The following AMPD3 variants were observed in gnomAD, a reference collection of about 807,000 sequenced individuals.
AMPD3 encodes adenosine monophosphate deaminase 3, also known as AMP deaminase 3.
In AMPD3, 57 loss-of-function variants were observed where a neutral mutation model predicts 82.3. The ratio of observed to expected loss-of-function variants is 0.69; its 90% CI spans 0.56 to 0.86. The LOEUF is 0.86. AMPD3 is among the 40% of genes least tolerant of loss of function. The pLI is 0.00. For missense variants in AMPD3, 870 were observed against 1,003.8 expected, an observed-to-expected ratio of 0.87 and a Z score of 1.80; for synonymous variants, 381 against 394.7, an observed-to-expected ratio of 0.97 and a Z score of 0.41.
chr11:10,458,290 G>T (rs1848158997), intron 1 of AMPD3, among the ~76,000 whole-genome samples: 1 of 6,360 alleles, frequency 1.6e-4, no homozygotes, highest in African/African-American at 4.6e-4. Flanking sequence ...AGCCAGGTAT[G>T]GTGATGCTCC....
chr11:10,470,677 A>G (rs1426489684), intron 2 of AMPD3, among the ~76,000 whole-genome samples: 1 of 152,224 alleles, frequency 6.6e-6, no homozygotes, highest in African/African-American at 2.4e-5. Context: ...AATAACAGAC[A>G]AACAGCCAAA....
At position 10,504,608 on chromosome 11, in the gene AMPD3, C is replaced by T. The variant is rs769214088; in HGVS notation, c.2076C>T (p.Asp692=). 6.2e-7 allele frequency: 1 copy of T among 1,614,180 alleles called. No homozygotes were observed. Among genetic ancestry groups the T allele is most frequent in the Non-Finnish European group, 8.5e-7 (1 of 1,180,028 alleles). Residue 692 remains aspartate (D), a synonymous_variant, in exon 14 of 15, where the codon GAC becomes GAT. Transcript: ENST00000396553. ...AAGTGTGGAAGCTGAGCACCTGCGA[C>T]CTGTGTGAGATCGCCAGGAACAGCG... ...AAQVWKLSTC[D]LCEIARNSVL...
At chr11:10,475,482 G>T (rs1389526162) in intron 2 of AMPD3, among the ~76,000 whole-genome samples, 2 of 152,134 alleles carry the variant, frequency 1.3e-5, no homozygotes, top group African/African-American at 4.8e-5. Flanking sequence ...TTTACTGGCT[G>T]GGCCTCGGTT....
At chr11:10,458,254 TAAAAAAAAAAAAAA>T (rs374036957) in intron 1 of AMPD3, among the ~76,000 whole-genome samples, 1 of 91,462 alleles carries the variant, frequency 1.1e-5, no homozygotes, top group Non-Finnish European at 2.1e-5. Context: ...ACCTCATCTC[TAAAAAAAAAAAAAA>T]AAAAAAAAAT....
chr11:10,504,660 G>A lies in AMPD3; in HGVS notation c.2127+1G>A. ...GCTGCAGAGCGGCCTCTCGCATCAG[G>A]TATGGAGTGTGACGGTGCTGCCTGT... On this transcript the variant is annotated splice_donor_variant, in intron 14 of 14. Coordinates refer to ENST00000396553, the MANE Select transcript of AMPD3 (RefSeq NM_001025389.2). LOFTEE classifies it high-confidence loss of function. 6.2e-7 allele frequency: 1 copy of A among 1,613,872 alleles called. No individual in the cohort carries two copies. The highest frequency in any genetic ancestry group is 8.5e-7 in the Non-Finnish European group (1 of 1,179,772).
At chr11:10,489,454 A>G (rs112738275) in intron 6 of AMPD3, among the ~76,000 whole-genome samples, 1 of 152,210 alleles carries the variant, frequency 6.6e-6, no homozygotes, top group African/African-American at 2.4e-5. Flanking sequence ...TGGCCACAAC[A>G]TGAGAAACAG....
At chr11:10,450,785 G>A (rs547942597), upstream of AMPD3, 84 of 1,170,660 alleles carry the variant, frequency 7.2e-5, no homozygotes, top group African/African-American at 1.2e-3. Context: ...GACGGGGGCT[G>A]CACGCGGCTG....
In AMPD3 at chr11:10,496,935, A is replaced by G. The variant is rs764623650; in HGVS notation, c.1554A>G (p.Lys518=). 3.2e-5 allele frequency: 52 copies of G among 1,613,820 alleles called. No individual in the cohort carries two copies. Among genetic ancestry groups the G allele is most frequent in the Non-Finnish European group, 4.3e-5 (51 of 1,179,896 alleles). The part of the protein sequence containing the change: ...QDHRELHLFL[K]YVTGFDSVDD... ...ATCGAGAGCTTCACCTCTTCCTTAA[A>G]TATGTAAGTGTGGGTGGTGCCCTAG... Residue 518 remains lysine (K), a synonymous_variant, in exon 10 of 15, where the codon AAA becomes AAG. Transcript: ENST00000396553.
chr11:10,477,693 G>C (rs1848779988), intron 2 of AMPD3, among the ~76,000 whole-genome samples: 1 of 152,198 alleles, frequency 6.6e-6, no homozygotes, highest in South Asian at 2.1e-4. Flanking sequence ...ACATATCTGT[G>C]CCTGCTCTAG....
chr11:10,482,687 AT>A (rs1290297780), intron 4 of AMPD3, among the ~76,000 whole-genome samples: 2 of 151,120 alleles, frequency 1.3e-5, no homozygotes, highest in African/African-American at 2.4e-5. Context: ...AATTAAAAAA[AT>A]ATATATTATT....
At chr11:10,504,482 G>T in intron 13 of AMPD3, 67 bp from the exon 14 acceptor site, 1 of 1,475,774 alleles carries the variant, frequency 6.8e-7, no homozygotes, top group Non-Finnish European at 9.5e-7. Context: ...TGTTAGCTTT[G>T]GACATGTGTG....
At chr11:10,473,849 GT>G (rs1201882997) in intron 2 of AMPD3, among the ~76,000 whole-genome samples, 1 of 152,202 alleles carries the variant, frequency 6.6e-6, no homozygotes, top group African/African-American at 2.4e-5. Context: ...GAGGATGCCT[GT>G]CCCGCCTGAT....
At chr11:10,494,839 A>G in intron 7 of AMPD3, 60 bp from the exon 8 acceptor site, 1 of 1,586,732 alleles carries the variant, frequency 6.3e-7, no homozygotes, top group Non-Finnish European at 8.6e-7. Context: ...AGGTCTAGAG[A>G]GGGGAACGTG....
intron 2 of AMPD3, among the ~76,000 whole-genome samples, chr11:10,468,921 A>C (rs998975012): frequency 6.6e-6 from 1 of 152,262 alleles, no homozygotes; most frequent in Non-Finnish European, 1.5e-5. Context: ...GAAGGCAGAA[A>C]TAAAGATGTT....
intron 3 of AMPD3, among the ~76,000 whole-genome samples, chr11:10,479,618 G>T (rs370849707): frequency 6.6e-6 from 1 of 152,068 alleles, no homozygotes; most frequent in Non-Finnish European, 1.5e-5. Context: ...GGCAACCACT[G>T]GTTTTAGTTT....
chr11:10,456,742 T>A lies in AMPD3; in HGVS notation c.-6+1294T>A. On this transcript the variant is annotated intron_variant, in intron 1 of 14. Transcript: ENST00000396553. The surrounding 1 kb of genome is among the most constrained non-coding windows in gnomAD (Gnocchi z 4.3). ...ATGCAGCTGGAGCTGAAGCTCTGCT[T>A]GGCATCTGCAGAGTGAGCTTTCCTT... 1 of 438,852 alleles carries A rather than the reference T, an allele frequency of 2.3e-6. No homozygotes were observed. Among genetic ancestry groups the A allele is most frequent in the Non-Finnish European group, 3.0e-6 (1 of 330,566 alleles). The allele number at this position is 438,852 out of a possible 1,614,324, so 27.2% of individuals were successfully genotyped here.
chr11:10,493,616 A>G lies in AMPD3; in HGVS notation c.1134+73A>G, dbSNP rs762448568. 2.2e-5 allele frequency: 34 copies of G among 1,542,514 alleles called. No homozygotes were observed. The African/African-American group carries it at 4.2e-4, about 19-fold the overall frequency. ...TGGGGACTCAGCCCCCTGGAAAGCC[A>G]CCATGATTGTGCTTGCCGGGAGGTG... On this transcript the variant is annotated intron_variant, in intron 7 of 14. Coordinates refer to ENST00000396553, the MANE Select transcript of AMPD3 (RefSeq NM_001025389.2).
chr11:10,455,469 G>T (rs545588891), intron 1 of AMPD3, 21 bp downstream of exon 1: 11 of 966,004 alleles, frequency 1.1e-5, no homozygotes, highest in Middle Eastern at 5.3e-4. Context: ...GAGGGTTTGG[G>T]GTGGGCTCCG....
At chr11:10,492,327 T>A (rs1849261727) in intron 6 of AMPD3, among the ~76,000 whole-genome samples, 1 of 152,222 alleles carries the variant, frequency 6.6e-6, no homozygotes, top group Non-Finnish European at 1.5e-5. Flanking sequence ...TGGCTTAGGG[T>A]CAGTAGAGCG....
Sources: allele counts gnomAD v4.1 joint callset (sites outside exome capture counted in the v4.1 genomes callset), GRCh38; gene constraint gnomAD v4.1.1; non-coding constraint Gnocchi (gnomAD v3.1); transcripts MANE v1.5; gene names NCBI Gene and HGNC (gene_info 2026-07-23, HGNC 2026-07-21).